Variants in CTNND2 observed in about 807,000 individuals in gnomAD.
CTNND2 encodes catenin delta-2.
CTNND2 carries 22 observed loss-of-function variants against 144.4 expected under a neutral mutation model. The observed-to-expected ratio is 0.15, with a 90% CI of 0.11 to 0.22. The LOEUF (loss-of-function observed/expected upper bound fraction) is 0.22. Ranked by LOEUF, CTNND2 falls within the 10% of genes least tolerant of loss-of-function variation. CTNND2 has a pLI of 1.00. For missense variants in CTNND2, 1,353 were observed against 1,618.8 expected (o/e 0.84, Z 2.82); for synonymous variants, 751 against 695.6 (o/e 1.08, Z -1.25).
intron 1 of CTNND2, among the ~76,000 whole-genome samples, chr5:11,800,069 T>G (rs1486716175): frequency 2.0e-5 from 3 of 152,174 alleles, no homozygotes. Context: ...ACTGTACTTT[T>G]TCTAAAATTT....
chr5:11,536,552 G>C lies in CTNND2; in HGVS notation c.287+28392C>G, dbSNP rs965079052. Among the ~76,000 whole-genome samples the C allele has an allele frequency of 5.6e-4, 85 of 152,170 alleles. 1 individual carries two copies. The highest frequency in any genetic ancestry group is 2.0e-3 in the African/African-American group (82 of 41,444). On this transcript the variant is annotated intron_variant, in intron 3 of 21. Transcript: ENST00000304623. ...ATGAAATACTACTCAGCCATAAAAAGGAACAAGATAATGGTATTCGTAGCA... is the reference window on the plus strand; with the variant it reads ...ATGAAATACTACTCAGCCATAAAAACGAACAAGATAATGGTATTCGTAGCA...
At position 10,978,838 on chromosome 5, in the gene CTNND2, A is replaced by G. The variant is rs566096825; in HGVS notation, c.3417+2935T>C. Among the ~76,000 whole-genome samples, 15 of 152,368 alleles carry G rather than the reference A, an allele frequency of 9.8e-5. No homozygotes were observed. In the East Asian group the frequency reaches 2.7e-3, roughly 27 times the overall value. On this transcript the variant is annotated intron_variant, in intron 21 of 21. Coordinates refer to ENST00000304623, the MANE Select transcript of CTNND2 (RefSeq NM_001332.4). The stretch of plus-strand genomic sequence containing the variant: ...TGTTCACACTCATGGCAAGGATGCC[A>G]TCTTAGCACATTAATTCTCATTTGC...
intron 12 of CTNND2, among the ~76,000 whole-genome samples, chr5:11,148,390 G>A (rs1284557089): frequency 1.3e-5 from 2 of 152,216 alleles, no homozygotes; most frequent in Non-Finnish European, 2.9e-5. Context: ...CTGGGAGGTG[G>A]AGGGTCATAA....
intron 16 of CTNND2, among the ~76,000 whole-genome samples, chr5:11,066,601 G>A (rs1747635390): frequency 6.6e-6 from 1 of 151,976 alleles, no homozygotes; most frequent in South Asian, 2.1e-4. Flanking sequence ...GACCACTTTG[G>A]GCACATATTC....
At chr5:11,900,398 G>A (rs1737763139) in intron 1 of CTNND2, among the ~76,000 whole-genome samples, 1 of 152,166 alleles carries the variant, frequency 6.6e-6, no homozygotes, top group Admixed American at 6.5e-5. Flanking sequence ...AGCACAGTAT[G>A]ATAAAATATT....
chr5:11,170,565 C>T (rs1211685183), intron 11 of CTNND2, among the ~76,000 whole-genome samples: 2 of 151,860 alleles, frequency 1.3e-5, no homozygotes, highest in Admixed American at 6.6e-5. Flanking sequence ...TACTAAAACA[C>T]ACATACACAC....
intron 11 of CTNND2, among the ~76,000 whole-genome samples, chr5:11,168,536 T>A (rs188085175): frequency 6.6e-6 from 1 of 152,198 alleles, no homozygotes; most frequent in Admixed American, 6.5e-5. Context: ...ACTATAGCCT[T>A]CCTCAATGAC....
intron 8 of CTNND2, among the ~76,000 whole-genome samples, chr5:11,356,512 A>G (rs1755896767): frequency 6.6e-6 from 1 of 152,068 alleles, no homozygotes; most frequent in African/African-American, 2.4e-5. Context: ...GAATGAGACT[A>G]GACTCCTAAT....
At chr5:11,440,376 G>A (rs571836300) in intron 3 of CTNND2, among the ~76,000 whole-genome samples, 29 of 152,266 alleles carry the variant, frequency 1.9e-4, no homozygotes, top group African/African-American at 7.0e-4. Context: ...TGGCTGTAGA[G>A]GGCTTTAATT....
chr5:11,298,440 G>C (rs1304544532), intron 9 of CTNND2, among the ~76,000 whole-genome samples: 2 of 152,192 alleles, frequency 1.3e-5, no homozygotes, highest in Non-Finnish European at 2.9e-5. Context: ...CAAAGTTCTG[G>C]AATTACAGGT....
intron 11 of CTNND2, among the ~76,000 whole-genome samples, chr5:11,195,230 A>G (rs1736739244): frequency 1.3e-5 from 2 of 152,248 alleles, no homozygotes; most frequent in Admixed American, 1.3e-4. Flanking sequence ...GGTTAAAATT[A>G]AATTATAGAA....
intron 2 of CTNND2, among the ~76,000 whole-genome samples, chr5:11,707,041 A>C (rs998594268): frequency 1.3e-5 from 2 of 151,244 alleles, no homozygotes; most frequent in African/African-American, 4.9e-5. Flanking sequence ...AGCCGAGATC[A>C]CGCCACTGCA....
At chr5:11,709,031 T>A (rs906776975) in intron 2 of CTNND2, among the ~76,000 whole-genome samples, 1 of 152,196 alleles carries the variant, frequency 6.6e-6, no homozygotes, top group Non-Finnish European at 1.5e-5. Context: ...GAAGCTACTA[T>A]GATAACAAAG....
At chr5:10,993,262 C>T (rs778553894) in intron 18 of CTNND2, among the ~76,000 whole-genome samples, 15 of 152,140 alleles carry the variant, frequency 9.9e-5, no homozygotes, top group African/African-American at 2.7e-4. Flanking sequence ...ACCAAGCCTC[C>T]GTTAGGCTTC....
At chr5:11,620,569 C>A (rs922832070) in intron 2 of CTNND2, among the ~76,000 whole-genome samples, 1 of 152,180 alleles carries the variant, frequency 6.6e-6, no homozygotes, top group African/African-American at 2.4e-5. Flanking sequence ...AGTGCTTGTC[C>A]GTATAGCCTG....
At chr5:11,843,168 AACG>A (rs1581988488) in intron 1 of CTNND2, among the ~76,000 whole-genome samples, 1 of 152,236 alleles carries the variant, frequency 6.6e-6, no homozygotes, top group Admixed American at 6.5e-5. Flanking sequence ...CTTACTAAAA[AACG>A]TGAAAATATG....
chr5:11,185,211 C>A (rs1398475425), intron 11 of CTNND2, among the ~76,000 whole-genome samples: 1 of 152,224 alleles, frequency 6.6e-6, no homozygotes, highest in East Asian at 1.9e-4. Context: ...ATCTCTTCAA[C>A]TGAAGTTTCT....
intron 9 of CTNND2, among the ~76,000 whole-genome samples, chr5:11,298,903 G>C (rs557521789): frequency 3.3e-5 from 5 of 152,094 alleles, no homozygotes; most frequent in African/African-American, 9.6e-5. Context: ...ATTTATACTT[G>C]GTAAACACTT....
chr5:11,791,711 G>A (rs1313538442), intron 1 of CTNND2, among the ~76,000 whole-genome samples: 1 of 152,128 alleles, frequency 6.6e-6, no homozygotes, highest in African/African-American at 2.4e-5. Flanking sequence ...AACGAATCTG[G>A]GACATTGAGG....
Sources: gnomAD v4.1 joint callset for allele counts (sites outside exome capture counted in the v4.1 genomes callset) on GRCh38, gnomAD v4.1.1 for gene constraint, MANE v1.5 for transcripts, NCBI Gene and HGNC (gene_info 2026-07-23, HGNC 2026-07-21) for gene names.